The following SSH2 variants were observed in gnomAD, a reference collection of about 807,000 sequenced individuals.
SSH2 encodes protein phosphatase Slingshot homolog 2.
Under a neutral mutation model 135.2 loss-of-function variants are expected in SSH2, and 37 were observed. The observed-to-expected ratio is 0.27, with a 90% confidence interval of 0.21 to 0.36. The LOEUF (loss-of-function observed/expected upper bound fraction) is 0.36, where lower values mean the gene tolerates loss of function less well. Ranked by LOEUF, SSH2 falls within the 10% of genes least tolerant of loss-of-function variation. The pLI is 1.00. For synonymous variants in SSH2, 628 were observed against 646.2 expected, an observed-to-expected ratio of 0.97 and a Z score of 0.43; for missense variants, 1,408 against 1,765.3, an observed-to-expected ratio of 0.80 and a Z score of 3.63.
chr17:29,814,790 A>G (rs921358840), intron 2 of SSH2, among the ~76,000 whole-genome samples: 3 of 152,108 alleles, frequency 2.0e-5, no homozygotes, highest in African/African-American at 7.2e-5. Context: ...CTGGGGAAGA[A>G]GCAGGTTTCT....
chr17:29,714,210 A>T (rs1049266069), intron 3 of SSH2, among the ~76,000 whole-genome samples: 1 of 152,086 alleles, frequency 6.6e-6, no homozygotes, highest in African/African-American at 2.4e-5. Flanking sequence ...AAGAGACATG[A>T]TGATGACCAA....
In SSH2 at chr17:29,632,928, T is replaced by C. The variant is rs781739213; in HGVS notation, c.2266A>G (p.Ile756Val). The C allele has an allele frequency of 6.3e-6, 10 of 1,595,958 alleles. No homozygotes were observed. Among genetic ancestry groups the C allele is most frequent in the Admixed American group, 3.5e-5 (2 of 57,266 alleles). Residue 756 changes from isoleucine to valine, a missense_variant, in exon 16 of 16, where the codon ATT becomes GTT. By Grantham distance (29) the Ile-to-Val change is conservative (BLOSUM62 3). Coordinates refer to ENST00000540801, the MANE Select transcript of SSH2 (RefSeq NM_001282129.2). Reference protein sequence around the residue: ...SSMDEEQSKAISELVSPDIFM... With the variant: ...SSMDEEQSKAVSELVSPDIFM... ...ATGTCTGGGCTGACCAGTTCTGAAATTGCCTAAGAAGAGAAAGTAGTGAGA... is the reference window on the plus strand; with the variant it reads ...ATGTCTGGGCTGACCAGTTCTGAAACTGCCTAAGAAGAGAAAGTAGTGAGA...
At chr17:29,867,789 G>T (rs2065877824) in intron 1 of SSH2, among the ~76,000 whole-genome samples, 1 of 152,184 alleles carries the variant, frequency 6.6e-6, no homozygotes, top group Non-Finnish European at 1.5e-5. Flanking sequence ...TTCCTCGCAA[G>T]TAAAGAGCTC....
intron 9 of SSH2, 55 bp downstream of exon 9, chr17:29,671,880 G>T: frequency 1.4e-6 from 2 of 1,433,414 alleles, no homozygotes; most frequent in South Asian, 2.5e-5. Flanking sequence ...TGCTTCTTAT[G>T]ACTCCTCAGG....
At chr17:29,762,149 G>T (rs2041338065) in intron 3 of SSH2, among the ~76,000 whole-genome samples, 1 of 151,952 alleles carries the variant, frequency 6.6e-6, no homozygotes, top group South Asian at 2.1e-4. Flanking sequence ...CCAAAGTGCT[G>T]GGATTACAGG....
chr17:29,732,165 T>C (rs2040220244), intron 3 of SSH2, among the ~76,000 whole-genome samples: 1 of 152,226 alleles, frequency 6.6e-6, no homozygotes, highest in African/African-American at 2.4e-5. Context: ...AGTTTCTTCA[T>C]TTGTAAAACT....
chr17:29,855,120 C>T (rs2065638500), intron 1 of SSH2, among the ~76,000 whole-genome samples: 1 of 152,034 alleles, frequency 6.6e-6, no homozygotes, highest in South Asian at 2.1e-4. Context: ...ATCTTTCATC[C>T]TCTCCTCTTT....
chr17:29,808,471 T>C (rs1044574852), intron 2 of SSH2, among the ~76,000 whole-genome samples: 2 of 152,188 alleles, frequency 1.3e-5, no homozygotes, highest in Admixed American at 1.3e-4. Flanking sequence ...AGAAAAGTTA[T>C]ACTTTGGGAG....
intron 12 of SSH2, among the ~76,000 whole-genome samples, chr17:29,653,471 G>T (rs966642540): frequency 6.6e-6 from 1 of 152,134 alleles, no homozygotes; most frequent in African/African-American, 2.4e-5. Flanking sequence ...TCCAGCTGGG[G>T]TTATATTCTA....
rs998511870 is a variant in SSH2 at position 29,630,051 on chromosome 17, C to T, written c.*790G>A. 6.6e-6 allele frequency: 1 copy of T among 152,394 alleles called. No individual in the cohort carries two copies. Among genetic ancestry groups the T allele is most frequent in the Non-Finnish European group, 1.5e-5 (1 of 68,036 alleles). 9.4% of individuals were successfully genotyped at this position (152,394 alleles called of 1,614,324 possible). Reference sequence around the variant, plus strand: ...TTCTGGCAGGGAGAGCCAAGATGCCCATCTGTGTGGATCCCACCAACCCAG... The same window carrying T: ...TTCTGGCAGGGAGAGCCAAGATGCCTATCTGTGTGGATCCCACCAACCCAG... On this transcript the variant is annotated 3_prime_UTR_variant, in exon 16 of 16. Coordinates refer to ENST00000540801, the MANE Select transcript of SSH2 (RefSeq NM_001282129.2).
Position 29,741,105 on chromosome 17 carries a change from CAG to C in SSH2, c.189-38045_189-38044del, listed in dbSNP as rs569373377. Among the ~76,000 whole-genome samples, 7 of 152,326 alleles carry C rather than the reference CAG, an allele frequency of 4.6e-5. No individual in the cohort carries two copies. In the South Asian group the frequency reaches 1.2e-3, roughly 27 times the overall value. ...GTTTCACCAGTACTTAGGTATGAAA[CAG>C]GGTCTTGATAACAAAGACAAGTAAG... On this transcript the variant is annotated intron_variant, in intron 3 of 15. Coordinates refer to ENST00000540801, the MANE Select transcript of SSH2 (RefSeq NM_001282129.2).
chr17:29,922,363 T>C (rs2066990259), intron 1 of SSH2, among the ~76,000 whole-genome samples: 2 of 148,760 alleles, frequency 1.3e-5, no homozygotes, highest in African/African-American at 4.9e-5. Flanking sequence ...TAGTTAATAT[T>C]TGTAATACAT....
chr17:29,784,598 CA>C (rs59705618), intron 3 of SSH2, among the ~76,000 whole-genome samples: 77,062 of 138,370 alleles, frequency 0.56, 20,975 homozygotes, highest in African/African-American at 0.68. Flanking sequence ...GACTCCTTCT[CA>C]AAAAAAAAAA....
chr17:29,849,513 A>G (rs905813024), intron 1 of SSH2, among the ~76,000 whole-genome samples: 1 of 151,244 alleles, frequency 6.6e-6, no homozygotes, highest in African/African-American at 2.4e-5. Context: ...TGGTGCTGCT[A>G]ATCCTTTGTA....
chr17:29,749,925 C>T (rs2040875701), intron 3 of SSH2, among the ~76,000 whole-genome samples: 2 of 151,854 alleles, frequency 1.3e-5, no homozygotes, highest in South Asian at 4.2e-4. Context: ...CGAGGTTTCA[C>T]CATGTTGGCC....
intron 3 of SSH2, among the ~76,000 whole-genome samples, chr17:29,730,276 C>T (rs2040135110): frequency 6.7e-6 from 1 of 149,886 alleles, no homozygotes; most frequent in African/African-American, 2.4e-5. Flanking sequence ...GAGCTCTGCT[C>T]ACTCCAGCCT....
intron 4 of SSH2, among the ~76,000 whole-genome samples, chr17:29,699,455 A>C (rs1176860337): frequency 6.6e-6 from 1 of 152,186 alleles, no homozygotes; most frequent in African/African-American, 2.4e-5. Flanking sequence ...CCTGGCTTTT[A>C]CAAGCTGAGT....
chr17:29,668,787 C>T (rs1056218127), intron 9 of SSH2, among the ~76,000 whole-genome samples: 39 of 152,078 alleles, frequency 2.6e-4, no homozygotes, highest in Non-Finnish European at 7.4e-5. Context: ...GTTCATGGGT[C>T]AGATTCCCTA....
At chr17:29,900,744 A>G (rs2151458912) in intron 1 of SSH2, among the ~76,000 whole-genome samples, 1 of 152,310 alleles carries the variant, frequency 6.6e-6, no homozygotes, top group Middle Eastern at 3.4e-3. Context: ...ATCTAGAACT[A>G]GAAATACCAT....
Sources: gnomAD v4.1 joint callset for allele counts (sites outside exome capture counted in the v4.1 genomes callset) on GRCh38, gnomAD v4.1.1 for gene constraint, MANE v1.5 for transcripts, NCBI Gene and HGNC (gene_info 2026-07-23, HGNC 2026-07-21) for gene names.